Variants in SNRNP48 observed in about 807,000 individuals in gnomAD.
SNRNP48 encodes U11/U12 small nuclear ribonucleoprotein 48 kDa protein.
A neutral mutation model predicts 47.0 loss-of-function variants in SNRNP48; 43 were observed. The observed-to-expected ratio is 0.92, with a 90% CI of 0.72 to 1.18. The LOEUF is 1.18. Ranked by LOEUF, SNRNP48 falls within the 50% of genes most tolerant of loss-of-function variation. The probability of loss-of-function intolerance (pLI) is 0.00; values close to 1 mark genes in which losing one functional copy is unlikely to be tolerated. For synonymous variants in SNRNP48, 138 were observed against 144.0 expected (o/e 0.96, Z 0.30); for missense variants, 396 against 422.2 (o/e 0.94, Z 0.54).
intron 5 of SNRNP48, among the ~76,000 whole-genome samples, chr6:7,602,154 G>A (rs1446833959): frequency 6.6e-6 from 1 of 152,116 alleles, no homozygotes; most frequent in Non-Finnish European, 1.5e-5. Context: ...TACCCGGCCT[G>A]TATTAGGTAT....
chr6:7,605,283 A>G lies in SNRNP48; in HGVS notation c.718-115A>G, dbSNP rs73375400. 531 of 777,886 alleles carry G rather than the reference A, an allele frequency of 6.8e-4. 1 individual carries two copies. In the African/African-American group the frequency reaches 8.5e-3, roughly 12 times the overall value. 48.2% of individuals were successfully genotyped at this position (777,886 alleles called of 1,614,324 possible). ...CTAAACTGCACAAGTCCCACAGTCA[A>G]TTATGTCATAGCACTTAGTAAATAT... is the stretch of plus-strand genomic sequence containing the variant. On this transcript the variant is annotated intron_variant, in intron 6 of 8. Coordinates refer to ENST00000342415, the MANE Select transcript of SNRNP48 (RefSeq NM_152551.4).
chr6:7,605,888 A>T lies in SNRNP48; in HGVS notation c.807-143A>T. On this transcript the variant is annotated intron_variant, in intron 7 of 8. Coordinates refer to ENST00000342415, the MANE Select transcript of SNRNP48 (RefSeq NM_152551.4). The stretch of plus-strand genomic sequence containing the variant: ...GAGCTGTGTTTATTTGTCCTTTTAT[A>T]TGGGTTATAAGATTGTGCATATTTA... 1.1e-6 allele frequency: 1 copy of T among 917,916 alleles called. No homozygotes were observed. The highest frequency in any genetic ancestry group is 1.6e-6 in the Non-Finnish European group (1 of 626,374). The allele number at this position is 917,916 out of a possible 1,614,324, so 56.9% of individuals were successfully genotyped here. A position where few individuals can be genotyped will look rare whatever the true frequency, so the allele number is the denominator to read the frequency against.
In SNRNP48 at chr6:7,591,865, GAAC is replaced by G. The variant is rs1759824789; in HGVS notation, c.156+1457_156+1459del. ...CGGTGTTTTAGTACTGAAATTTAGT[GAAC>G]AACAGTCCTAGTTGTCATCTGTTCC... On this transcript the variant is annotated intron_variant, in intron 1 of 8. Coordinates refer to ENST00000342415, the MANE Select transcript of SNRNP48 (RefSeq NM_152551.4). 1.3e-5 allele frequency among the ~76,000 whole-genome samples: 2 copies of G among 152,342 alleles called. 1 individual carries two copies. Among genetic ancestry groups the G allele is most frequent in the East Asian group, 3.9e-4 (2 of 5,182 alleles).
chr6:7,599,396 GA>G (rs1172075763), intron 4 of SNRNP48, among the ~76,000 whole-genome samples: 1 of 151,970 alleles, frequency 6.6e-6, no homozygotes, highest in Admixed American at 6.6e-5. Flanking sequence ...ACAGTACACT[GA>G]AAAAATGGTT....
Position 7,608,868 on chromosome 6 carries a change from A to T in SNRNP48, c.1015A>T (p.Ile339Leu). 2 of 1,504,040 alleles carry T rather than the reference A, an allele frequency of 1.3e-6. No individual in the cohort carries two copies. Among genetic ancestry groups the T allele is most frequent in the Non-Finnish European group, 1.8e-6 (2 of 1,099,986 alleles). 93.2% of individuals were successfully genotyped at this position (1,504,040 alleles called of 1,614,324 possible). A position where few individuals can be genotyped will look rare whatever the true frequency, so the allele number is the denominator to read the frequency against. ...TAGTCATAAAAGAAGAAAGCAAAAA[A>T]TATAAATGAAGTACTTGTACCTATA... Reference protein sequence around the residue: ...HHSHKRRKQKI With the variant: ...HHSHKRRKQKL Residue 339 changes from isoleucine to leucine, a missense_variant, in exon 9 of 9, where the codon ATA becomes TTA. Physicochemically the swap from Ile to Leu is conservative, Grantham distance 5 (BLOSUM62 2). Coordinates refer to ENST00000342415, the MANE Select transcript of SNRNP48 (RefSeq NM_152551.4).
intron 4 of SNRNP48, chr6:7,600,064 A>G (rs1759983530): frequency 1.0e-6 from 1 of 998,148 alleles, no homozygotes; most frequent in African/African-American, 1.7e-5. Flanking sequence ...AGCTGTTTTT[A>G]TAATTTTGTA....
intron 1 of SNRNP48, among the ~76,000 whole-genome samples, chr6:7,593,037 G>A (rs1759846257): frequency 6.6e-6 from 1 of 151,972 alleles, no homozygotes. Flanking sequence ...TGTTTGTGTT[G>A]AACTTTTAGT....
intron 6 of SNRNP48, among the ~76,000 whole-genome samples, chr6:7,605,112 C>T (rs964291677): frequency 2.6e-5 from 4 of 152,096 alleles, no homozygotes; most frequent in African/African-American, 7.2e-5. Context: ...CCTCATAACC[C>T]TTTATCCCCA....
rs920892249 is a variant in SNRNP48, at chr6:7,594,117, G to C, written c.289G>C (p.Glu97Gln). 2.8e-6 allele frequency: 4 copies of C among 1,432,046 alleles called. No homozygotes were observed. Among genetic ancestry groups the C allele is most frequent in the Non-Finnish European group, 1.9e-6 (2 of 1,056,950 alleles). The allele number at this position is 1,432,046 out of a possible 1,614,324, so 88.7% of individuals were successfully genotyped here. Residue 97 changes from glutamate (E) to glutamine (Q), a missense_variant, in exon 3 of 9, where the codon GAG becomes CAG. Transcript: ENST00000342415. ...TTTTCAGGATGAAATGTATAATCCT[G>C]AGTTTTTCTATGAAAATGTGAAGAT... ...KEEEDEMYNP[E>Q]FFYENVKIPS...
At chr6:7,597,492 G>C (rs918282674) in intron 4 of SNRNP48, among the ~76,000 whole-genome samples, 1 of 152,152 alleles carries the variant, frequency 6.6e-6, no homozygotes, top group Non-Finnish European at 1.5e-5. Context: ...CTGAGTTTTT[G>C]TTTCCTTATC....
Position 7,605,476 on chromosome 6 carries a change from G to A in SNRNP48, c.796G>A (p.Asp266Asn), listed in dbSNP as rs374532079. ...WQEEQEKAED[D>N]AEKNEERRSA... The stretch of plus-strand genomic sequence containing the variant: ...AGAAGAGCAAGAGAAGGCAGAGGAT[G>A]ATGCCGAAAAGTACGTCATTATCTT... The change falls in exon 7 of 9, where the codon GAT becomes AAT. Residue 266 changes from aspartate (D) to asparagine (N), a missense_variant. By Grantham distance (23) the Asp-to-Asn change is conservative. Transcript: ENST00000342415. The A allele has an allele frequency of 6.2e-7, 1 of 1,613,902 alleles. No individual in the cohort carries two copies.
chr6:7,590,804 C>G (rs527668382), intron 1 of SNRNP48, among the ~76,000 whole-genome samples: 9 of 152,316 alleles, frequency 5.9e-5, no homozygotes, highest in African/African-American at 9.6e-5. Flanking sequence ...ATGGTGAAAC[C>G]TCTTCTCTAC....
chr6:7,601,213 G>T, intron 4 of SNRNP48, 123 bp from the exon 5 acceptor site: 2 of 664,806 alleles, frequency 3.0e-6, no homozygotes, highest in Non-Finnish European at 4.8e-6. Context: ...TATACTTAGG[G>T]ATTATGAAAA....
Position 7,593,284 on chromosome 6 carries a change from G to A in SNRNP48, c.157-450G>A, listed in dbSNP as rs527470241. ...GAGACCAAGTAGAAGAAGCCAGAGAGGTAGAAAGAACATGAGGGGTGTGTC... is the reference window on the plus strand; with the variant it reads ...GAGACCAAGTAGAAGAAGCCAGAGAAGTAGAAAGAACATGAGGGGTGTGTC... On this transcript the variant is annotated intron_variant, in intron 1 of 8. Coordinates refer to ENST00000342415, the MANE Select transcript of SNRNP48 (RefSeq NM_152551.4). Among the ~76,000 whole-genome samples the A allele has an allele frequency of 1.3e-5, 2 of 152,188 alleles. 1 individual carries two copies. Among genetic ancestry groups the A allele is most frequent in the South Asian group, 4.1e-4 (2 of 4,824 alleles).
At position 7,606,234 on chromosome 6, in the gene SNRNP48, AC is replaced by A. The variant is rs537135898; in HGVS notation, c.971+40del. On this transcript the variant is annotated intron_variant, in intron 8 of 8. Coordinates refer to ENST00000342415, the MANE Select transcript of SNRNP48 (RefSeq NM_152551.4). ...TGCATCATCCAACGTTGAATTCTGT[AC>A]TTTTTAAAAATAGAACAGGTTCTTC... is the stretch of plus-strand genomic sequence containing the variant. The A allele has an allele frequency of 9.5e-5, 146 of 1,544,308 alleles. 1 individual carries two copies. In the African/African-American group the frequency reaches 1.7e-3, roughly 18 times the overall value.
In SNRNP48 at chr6:7,608,829, G is replaced by A. The variant is rs1213665134; in HGVS notation, c.976G>A (p.Gly326Arg). ...CESRRRKERD[G>R]ERHHSHKRRK... ...TTTATACCTCTTTTATTTCAGGGAT[G>A]GGGAAAGACACCATAGTCATAAAAG... The change falls in exon 9 of 9, where the codon GGG becomes AGG. Residue 326 changes from glycine to arginine, a missense_variant. Transcript: ENST00000342415. The A allele has an allele frequency of 2.7e-6, 4 of 1,492,004 alleles. No homozygotes were observed. Among genetic ancestry groups the A allele is most frequent in the Non-Finnish European group, 3.6e-6 (4 of 1,100,996 alleles). The allele number at this position is 1,492,004 out of a possible 1,614,324, so 92.4% of individuals were successfully genotyped here.
Position 7,608,884 on chromosome 6 carries a change from T to C in SNRNP48, c.*11T>C, listed in dbSNP as rs1535434. ...AAGCAAAAAATATAAATGAAGTACT[T>C]GTACCTATATTAATTATGCTTACGC... On this transcript the variant is annotated 3_prime_UTR_variant, in exon 9 of 9. Transcript: ENST00000342415. The C allele has an allele frequency of 0.1, 143,430 of 1,427,924 alleles. 9,473 individuals carry two copies. Among genetic ancestry groups the C allele is most frequent in the African/African-American group, 0.3 (20,888 of 68,562 alleles). 88.5% of individuals were successfully genotyped at this position (1,427,924 alleles called of 1,614,324 possible). A position where few individuals can be genotyped will look rare whatever the true frequency, so the allele number is the denominator to read the frequency against.
rs2757598 is a variant in SNRNP48, at chr6:7,609,803, C to T, written c.*930C>T. ...ACTTAGATTTATTGCACCCTTTTTA[C>T]GTGTGTATTTTATTGGGTTTTGACA... On this transcript the variant is annotated 3_prime_UTR_variant, in exon 9 of 9. Transcript: ENST00000342415. The T allele has an allele frequency of 6.6e-6, 1 of 151,938 alleles. No individual in the cohort carries two copies. The highest frequency in any genetic ancestry group is 2.4e-5 in the African/African-American group (1 of 41,338). The allele number at this position is 151,938 out of a possible 1,614,324, so 9.4% of individuals were successfully genotyped here.
intron 8 of SNRNP48, among the ~76,000 whole-genome samples, chr6:7,608,285 G>C (rs1462130116): frequency 6.6e-6 from 1 of 152,070 alleles, no homozygotes; most frequent in Non-Finnish European, 1.5e-5. Flanking sequence ...GGCCGGGCGT[G>C]GTGGCTCATG....
Sources: allele counts gnomAD v4.1 joint callset (sites outside exome capture counted in the v4.1 genomes callset), GRCh38; gene constraint gnomAD v4.1.1; transcripts MANE v1.5; gene names NCBI Gene and HGNC (gene_info 2026-07-23, HGNC 2026-07-21).